The following HHIPL1 variants were observed in gnomAD, a reference collection of about 807,000 sequenced individuals.
The protein encoded by HHIPL1 is HHIP-like protein 1.
Under a neutral mutation model 61.8 loss-of-function variants are expected in HHIPL1, and 43 were observed. The observed-to-expected ratio is 0.70, with a 90% confidence interval of 0.55 to 0.90. The LOEUF (loss-of-function observed/expected upper bound fraction) is 0.90, where lower values mean the gene tolerates loss of function less well. HHIPL1 is among the 40% of genes least tolerant of loss of function. The pLI is 0.00. For synonymous variants in HHIPL1, 482 were observed against 515.8 expected, an observed-to-expected ratio of 0.93 and a Z score of 0.89; for missense variants, 1,056 against 1,157.7, an observed-to-expected ratio of 0.91 and a Z score of 1.28.
At chr14:99,662,114 C>A (rs1392856472) in intron 5 of HHIPL1, among the ~76,000 whole-genome samples, 2 of 152,148 alleles carry the variant, frequency 1.3e-5, no homozygotes, top group African/African-American at 4.8e-5. Flanking sequence ...ATTTTCCCAG[C>A]CGCTCTGCTG....
Position 99,654,204 on chromosome 14 carries a change from A to AG in HHIPL1, c.902+1334_902+1335insG, listed in dbSNP as rs1465364422. On this transcript the variant is annotated intron_variant, in intron 2 of 8. Coordinates refer to ENST00000330710, the MANE Select transcript of HHIPL1 (RefSeq NM_001127258.3). ...ACTCTGTCTCAAAAAAAAAAAAAAA[A>AG]AAAAGAAAAAAGAAAAAAGGCAACC... Among the ~76,000 whole-genome samples the AG allele has an allele frequency of 4.0e-4, 60 of 151,356 alleles. 1 individual carries two copies. The highest frequency in any genetic ancestry group is 2.5e-3 in the East Asian group (13 of 5,132).
upstream of HHIPL1, chr14:99,645,112 G>C (rs2055806045): frequency 8.9e-7 from 1 of 1,127,558 alleles, no homozygotes; most frequent in African/African-American, 1.6e-5. Context: ...CTGCGTGTAG[G>C]GAAGGGGAGC....
intron 7 of HHIPL1, among the ~76,000 whole-genome samples, chr14:99,671,434 C>G (rs1430512241): frequency 6.6e-6 from 1 of 152,208 alleles, no homozygotes; most frequent in African/African-American, 2.4e-5. Context: ...TGTGTTTCTG[C>G]AGCCTCTGGG....
chr14:99,666,809 C>G (rs1239166371), intron 6 of HHIPL1, among the ~76,000 whole-genome samples: 2 of 152,228 alleles, frequency 1.3e-5, no homozygotes, highest in African/African-American at 4.8e-5. Context: ...CTCCCCCGAC[C>G]TCCCCAGTGG....
the HHIPL1 span, among the ~76,000 whole-genome samples, chr14:99,635,235 G>T: frequency 6.6e-6 from 1 of 152,166 alleles, no homozygotes; most frequent in Non-Finnish European, 1.5e-5. Context: ...GGGCGTCCAG[G>T]GAACATGGAG....
At chr14:99,647,447 G>T (rs2055859828) in intron 1 of HHIPL1, among the ~76,000 whole-genome samples, 1 of 152,236 alleles carries the variant, frequency 6.6e-6, no homozygotes, top group Non-Finnish European at 1.5e-5. Flanking sequence ...AGTGAGGTGG[G>T]CAGGTGGATG....
chr14:99,649,755 C>G (rs1415323190), intron 1 of HHIPL1, among the ~76,000 whole-genome samples: 4 of 152,202 alleles, frequency 2.6e-5, no homozygotes, highest in African/African-American at 9.7e-5. Flanking sequence ...AGGATTGTGC[C>G]ACTGCACTCT....
the HHIPL1 span, among the ~76,000 whole-genome samples, chr14:99,621,305 G>T: frequency 6.6e-6 from 1 of 152,100 alleles, no homozygotes. Flanking sequence ...TCACCATGTT[G>T]CCCAGGCTAG....
At chr14:99,604,891 C>G in the HHIPL1 span, among the ~76,000 whole-genome samples, 1 of 152,128 alleles carries the variant, frequency 6.6e-6, no homozygotes. Context: ...CCCTTCCCTG[C>G]CCCCAGGCTC....
chr14:99,611,408 C>T, the HHIPL1 span, among the ~76,000 whole-genome samples: 1 of 152,004 alleles, frequency 6.6e-6, no homozygotes, highest in Non-Finnish European at 1.5e-5. Context: ...ATTCCCCTGC[C>T]TCAGCCTTCT....
In HHIPL1 at chr14:99,652,274, G is replaced by T; in HGVS notation, c.306G>T (p.Thr102=). ...TCTATGACGCCGAGGACCCATTCAC[G>T]CCCCTGCGCACGGTGCCCGGGCTCT... is the stretch of plus-strand genomic sequence containing the variant. The part of the protein sequence containing the change: ...AHLYDAEDPF[T]PLRTVPGLCQ... Residue 102 remains threonine (T), a synonymous_variant, in exon 2 of 9, where the codon ACG becomes ACT. Transcript: ENST00000330710. 1.9e-6 allele frequency: 3 copies of T among 1,613,448 alleles called. No homozygotes were observed. The African/African-American group carries it at 4.0e-5, about 21-fold the overall frequency.
intron 8 of HHIPL1, 130 bp from the exon 9 acceptor site, chr14:99,674,960 GC>G (rs1256316439): frequency 6.6e-5 from 24 of 363,172 alleles, no homozygotes; most frequent in Middle Eastern, 1.4e-3. Context: ...GGGTGTGAGT[GC>G]AGGACAGACC....
At chr14:99,617,733 C>T in the HHIPL1 span, among the ~76,000 whole-genome samples, 6 of 152,266 alleles carry the variant, frequency 3.9e-5, no homozygotes, top group African/African-American at 1.2e-4. Context: ...CAGACCAGAC[C>T]ATCACCAGCA....
chr14:99,661,469 G>A lies in HHIPL1; in HGVS notation c.1502+1063G>A, dbSNP rs552134865. 8.2e-4 allele frequency among the ~76,000 whole-genome samples: 101 copies of A among 123,832 alleles called. 2 individuals are homozygous for A. The South Asian group carries it at 0.017, about 21-fold the overall frequency. The allele number at this position is 123,832 out of a possible 152,430, so 81.2% of individuals were successfully genotyped here. A position where few individuals can be genotyped will look rare whatever the true frequency, so the allele number is the denominator to read the frequency against. On this transcript the variant is annotated intron_variant, in intron 5 of 8. Coordinates refer to ENST00000330710, the MANE Select transcript of HHIPL1 (RefSeq NM_001127258.3). ...AGGAAGGAGTACATGCTTAATATATGGTGATTTTTTTTTTTTGAGACAGGG... is the reference window on the plus strand; with the variant it reads ...AGGAAGGAGTACATGCTTAATATATAGTGATTTTTTTTTTTTGAGACAGGG...
chr14:99,656,858 AGGAAGGAAGGAAGGAAGGAAG>A (rs2056050834), intron 2 of HHIPL1, 121 bp from the exon 3 acceptor site: 1 of 40,958 alleles, frequency 2.4e-5, no homozygotes, highest in Admixed American at 2.9e-4. Flanking sequence ...GAAGGAAGGA[AGGAAGGAAGGAAGGAAGGAAG>A]GAAGGAAGGA....
the HHIPL1 span, among the ~76,000 whole-genome samples, chr14:99,621,891 AT>A: frequency 6.6e-6 from 1 of 150,868 alleles, no homozygotes; most frequent in Non-Finnish European, 1.5e-5. Context: ...AATTTTTTGT[AT>A]TTTTAGCAGA....
the HHIPL1 span, among the ~76,000 whole-genome samples, chr14:99,624,482 A>G: frequency 1.4e-4 from 21 of 152,266 alleles, no homozygotes; most frequent in Middle Eastern, 3.4e-3. Flanking sequence ...ACCAACTCCC[A>G]TATGGTCGGG....
At chr14:99,610,689 A>G in the HHIPL1 span, among the ~76,000 whole-genome samples, 1 of 152,060 alleles carries the variant, frequency 6.6e-6, no homozygotes, top group African/African-American at 2.4e-5. Context: ...TGAACCCGGG[A>G]GGCAGAGGTT....
At chr14:99,641,515 G>A (rs2055751667), upstream of HHIPL1, among the ~76,000 whole-genome samples, 1 of 151,628 alleles carries the variant, frequency 6.6e-6, no homozygotes, top group Non-Finnish European at 1.5e-5. Flanking sequence ...CCAGGTTCAA[G>A]CAATCCTCCT....
Sources: gnomAD v4.1 joint callset for allele counts (sites outside exome capture counted in the v4.1 genomes callset) on GRCh38, gnomAD v4.1.1 for gene constraint, MANE v1.5 for transcripts, NCBI Gene and HGNC (gene_info 2026-07-23, HGNC 2026-07-21) for gene names.